ASTN1: variants seen among roughly 807,000 people sequenced by gnomAD.
ASTN1 encodes astrotactin 1, also known as astrotactin-1.
In ASTN1, 41 loss-of-function variants were observed where a neutral mutation model predicts 140.7. The observed-to-expected ratio is 0.29, with a 90% CI of 0.23 to 0.38. ASTN1 has a LOEUF of 0.38. Among genes scored for constraint, ASTN1 ranks in the 10% least tolerant of loss-of-function variants. The pLI, the probability that ASTN1 is intolerant of heterozygous loss-of-function variation, is 1.00. For synonymous variants in ASTN1, 640 were observed against 652.2 expected (o/e 0.98, Z 0.29); for missense variants, 1,479 against 1,678.8 (o/e 0.88, Z 2.08).
intron 1 of ASTN1, among the ~76,000 whole-genome samples, chr1:177,162,404 G>A (rs1647432989): frequency 6.6e-6 from 1 of 152,180 alleles, no homozygotes; most frequent in South Asian, 2.1e-4. Context: ...TGAAGTGAGA[G>A]AGTGTGTCTG....
chr1:177,035,986 C>T (rs1676695750), intron 2 of ASTN1, among the ~76,000 whole-genome samples: 2 of 150,672 alleles, frequency 1.3e-5, no homozygotes, highest in South Asian at 4.2e-4. Flanking sequence ...TAGTAAAAAA[C>T]GCTTCCTCTG....
At chr1:177,091,416 T>C (rs1482793207) in intron 1 of ASTN1, among the ~76,000 whole-genome samples, 1 of 152,192 alleles carries the variant, frequency 6.6e-6, no homozygotes, top group Non-Finnish European at 1.5e-5. Flanking sequence ...TTTTACCTTG[T>C]CAGATTCAGC....
At chr1:176,891,636 A>C (rs1322545452) in intron 17 of ASTN1, among the ~76,000 whole-genome samples, 2 of 152,146 alleles carry the variant, frequency 1.3e-5, no homozygotes, top group African/African-American at 4.8e-5. Context: ...TCTACCAAAA[A>C]TACAAAATTA....
chr1:177,108,100 A>C (rs1299537888), intron 1 of ASTN1, among the ~76,000 whole-genome samples: 1 of 152,158 alleles, frequency 6.6e-6, no homozygotes, highest in African/African-American at 2.4e-5. Flanking sequence ...CTGTAATCTC[A>C]GCACTTTGGG....
At chr1:177,063,947 C>T (rs1392968597) in intron 1 of ASTN1, among the ~76,000 whole-genome samples, 1 of 152,200 alleles carries the variant, frequency 6.6e-6, no homozygotes, top group Non-Finnish European at 1.5e-5. Context: ...TCAGCCCTTC[C>T]TGTAACTATT....
At chr1:176,883,938 G>A (rs776125623) in intron 19 of ASTN1, among the ~76,000 whole-genome samples, 1 of 152,210 alleles carries the variant, frequency 6.6e-6, no homozygotes, top group Admixed American at 6.5e-5. Flanking sequence ...CTGGAAGGGG[G>A]TTATTAGCAA....
intron 20 of ASTN1, among the ~76,000 whole-genome samples, chr1:176,882,581 T>C (rs1175179502): frequency 1.3e-5 from 2 of 152,196 alleles, no homozygotes; most frequent in Non-Finnish European, 2.9e-5. Flanking sequence ...TCTATCTACA[T>C]TTATTTAATT....
intron 5 of ASTN1, among the ~76,000 whole-genome samples, chr1:177,027,510 T>C (rs1399197819): frequency 1.3e-5 from 2 of 150,930 alleles, no homozygotes; most frequent in African/African-American, 4.9e-5. Flanking sequence ...TGCATGGTCC[T>C]TTGTTAGCCA....
chr1:176,861,876 C>T lies in ASTN1; in HGVS notation c.*2408G>A. 2.0e-6 allele frequency: 2 copies of T among 985,210 alleles called. No homozygotes were observed. Among genetic ancestry groups the T allele is most frequent in the Non-Finnish European group, 2.4e-6 (2 of 829,890 alleles). The allele number at this position is 985,210 out of a possible 1,614,324, so 61.0% of individuals were successfully genotyped here. On this transcript the variant is annotated 3_prime_UTR_variant, in exon 23 of 23. Coordinates refer to ENST00000361833, the MANE Select transcript of ASTN1 (RefSeq NM_004319.3). ...AGATAGGAGAGAGGAAGATAGTGTG[C>T]CTAAAATAAAAACAGAAGGAGAGGG...
At chr1:176,936,076 C>A in intron 15 of ASTN1, 190 bp downstream of exon 15, 1 of 670,026 alleles carries the variant, frequency 1.5e-6, no homozygotes, top group Non-Finnish European at 2.7e-6. Flanking sequence ...GCAATGTAAT[C>A]TCTACTTAGA....
intron 1 of ASTN1, among the ~76,000 whole-genome samples, chr1:177,117,115 C>T (rs1260372491): frequency 6.6e-6 from 1 of 152,088 alleles, no homozygotes; most frequent in Non-Finnish European, 1.5e-5. Flanking sequence ...CTCTCCTCCG[C>T]CCCTCCCCAC....
intron 8 of ASTN1, among the ~76,000 whole-genome samples, chr1:176,978,654 A>G (rs1372291202): frequency 6.6e-6 from 1 of 152,164 alleles, no homozygotes; most frequent in African/African-American, 2.4e-5. Context: ...CTAGTGGGGC[A>G]AGAAATGATA....
At chr1:176,916,156 T>C (rs2103066807) in intron 16 of ASTN1, among the ~76,000 whole-genome samples, 1 of 152,296 alleles carries the variant, frequency 6.6e-6, no homozygotes, top group South Asian at 2.1e-4. Flanking sequence ...GGATTCAAGG[T>C]TGTGTTCGAA....
chr1:176,863,236 T>C lies in ASTN1; in HGVS notation c.*1048A>G. On this transcript the variant is annotated 3_prime_UTR_variant, in exon 23 of 23. Coordinates refer to ENST00000361833, the MANE Select transcript of ASTN1 (RefSeq NM_004319.3). ...TGCAAAACTAGCAACACAAGCAAAT[T>C]TAGCAAGGTGGGGATGAACAGAAGT... The C allele has an allele frequency of 2.0e-6, 2 of 985,870 alleles. No homozygotes were observed. Among genetic ancestry groups the C allele is most frequent in the Non-Finnish European group, 1.2e-6 (1 of 829,932 alleles). 61.1% of individuals were successfully genotyped at this position (985,870 alleles called of 1,614,324 possible).
chr1:176,952,298 T>G (rs1211782198), intron 11 of ASTN1, among the ~76,000 whole-genome samples: 1 of 151,568 alleles, frequency 6.6e-6, no homozygotes, highest in African/African-American at 2.4e-5. Context: ...CACACGCACA[T>G]GCATGCATAC....
At chr1:177,003,767 G>A (rs1005925849) in intron 8 of ASTN1, among the ~76,000 whole-genome samples, 2 of 151,108 alleles carry the variant, frequency 1.3e-5, no homozygotes, top group Non-Finnish European at 2.9e-5. Context: ...AGCCAAGATT[G>A]CCCCACTGCA....
intron 2 of ASTN1, among the ~76,000 whole-genome samples, chr1:177,059,512 C>T: frequency 6.6e-6 from 1 of 152,160 alleles, no homozygotes; most frequent in East Asian, 1.9e-4. Flanking sequence ...CATTTACCTG[C>T]CTGACATCTG....
chr1:177,026,470 C>T (rs897380358), intron 5 of ASTN1, among the ~76,000 whole-genome samples: 1 of 152,106 alleles, frequency 6.6e-6, no homozygotes, highest in African/African-American at 2.4e-5. Flanking sequence ...CAAGCCACAC[C>T]CCCACCCTGC....
At chr1:177,008,712 G>A (rs945346794) in intron 8 of ASTN1, among the ~76,000 whole-genome samples, 37 of 151,776 alleles carry the variant, frequency 2.4e-4, no homozygotes, top group African/African-American at 8.5e-4. Context: ...AGCAATAAGT[G>A]ATAATGATGA....
Sources: gnomAD v4.1 joint callset for allele counts (sites outside exome capture counted in the v4.1 genomes callset) on GRCh38, gnomAD v4.1.1 for gene constraint, MANE v1.5 for transcripts, NCBI Gene and HGNC (gene_info 2026-07-23, HGNC 2026-07-21) for gene names.